MACF1: variants seen among roughly 807,000 people sequenced by gnomAD.
The protein encoded by MACF1 is microtubule-actin cross-linking factor 1.
In MACF1, 193 loss-of-function variants were observed where a neutral mutation model predicts 854.8. The ratio of observed to expected loss-of-function variants is 0.23; its 90% confidence interval spans 0.20 to 0.25. The LOEUF (loss-of-function observed/expected upper bound fraction) is 0.25, where lower values mean the gene tolerates loss of function less well. Among genes scored for constraint, MACF1 ranks in the 10% least tolerant of loss-of-function variants. The pLI, the probability that MACF1 is intolerant of heterozygous loss-of-function variation, is 1.00. For synonymous variants in MACF1, 3,185 were observed against 3,226.7 expected, an observed-to-expected ratio of 0.99 and a Z score of 0.44; for missense variants, 7,722 against 8,929.1, an observed-to-expected ratio of 0.86 and a Z score of 5.45.
At chr1:39,130,365 G>T (rs1308962238) in intron 2 of MACF1, among the ~76,000 whole-genome samples, 1 of 152,198 alleles carries the variant, frequency 6.6e-6, no homozygotes, top group Admixed American at 6.5e-5. Context: ...ATGACCTTTT[G>T]TAGTCACATT....
intron 2 of MACF1, chr1:39,121,100 T>G (rs1642696753): frequency 6.6e-6 from 1 of 152,196 alleles, no homozygotes; most frequent in Non-Finnish European, 1.5e-5. Flanking sequence ...CTAATTTCCC[T>G]AGCACCTAGA....
At position 39,211,958 on chromosome 1, in the gene MACF1, G is replaced by A. The variant is rs934241830; in HGVS notation, c.109+6827G>A. Among the ~76,000 whole-genome samples, 8 of 142,206 alleles carry A rather than the reference G, an allele frequency of 5.6e-5. 1 individual carries two copies. Among genetic ancestry groups the A allele is most frequent in the South Asian group, 4.3e-4 (2 of 4,686 alleles). 93.3% of individuals were successfully genotyped at this position (142,206 alleles called of 152,430 possible). On this transcript the variant is annotated intron_variant, in intron 1 of 100. Transcript: ENST00000564288. ...ATATATTATGATCACTGTTTTATACGTTAAGAAAGATGTTTGTGTCTTTTA... is the reference window on the plus strand; with the variant it reads ...ATATATTATGATCACTGTTTTATACATTAAGAAAGATGTTTGTGTCTTTTA...
chr1:39,109,602 CTT>C (rs76099761), intron 2 of MACF1, among the ~76,000 whole-genome samples: 2 of 146,228 alleles, frequency 1.4e-5, no homozygotes, highest in African/African-American at 2.5e-5. Context: ...CTTTTCTCTC[CTT>C]TTTTTTTTTT....
intron 97 of MACF1, among the ~76,000 whole-genome samples, chr1:39,472,853 A>G (rs1388171725): frequency 6.6e-6 from 1 of 152,232 alleles, no homozygotes; most frequent in Non-Finnish European, 1.5e-5. Context: ...AAAGTAAGCC[A>G]TTATTTTTCA....
intron 34 of MACF1, 69 bp downstream of exon 34, chr1:39,324,414 A>T: frequency 6.4e-7 from 1 of 1,553,116 alleles, no homozygotes; most frequent in South Asian, 1.2e-5. Context: ...GTGGAATAGT[A>T]GAAGTCACAT....
intron 6 of MACF1, among the ~76,000 whole-genome samples, chr1:39,275,915 T>TCTC (rs1553201595): frequency 6.9e-6 from 1 of 144,646 alleles, no homozygotes; most frequent in Non-Finnish European, 1.5e-5. Context: ...TTCATCTGCT[T>TCTC]CTTCTTCTTC....
At chr1:39,120,109 T>A (rs1007801810) in intron 2 of MACF1, among the ~76,000 whole-genome samples, 3 of 151,982 alleles carry the variant, frequency 2.0e-5, no homozygotes, top group African/African-American at 7.2e-5. Flanking sequence ...GTCTTGAACT[T>A]CTGATCTCAG....
Position 39,359,221 on chromosome 1 carries a change from A to G in MACF1, c.12201A>G (p.Glu4067=), listed in dbSNP as rs1647851593. The G allele has an allele frequency of 1.9e-6, 3 of 1,614,190 alleles. No homozygotes were observed. The highest frequency in any genetic ancestry group is 2.5e-6 in the Non-Finnish European group (3 of 1,180,030). The change falls in exon 47 of 101, where the codon GAA becomes GAG. Residue 4067 remains glutamate (E), a synonymous_variant. Coordinates refer to ENST00000564288, the MANE Select transcript of MACF1 (RefSeq NM_001394062.1). ...TAGCTCGTGACATAATGGAAATTGA[A>G]GGGGAGCCAGCCCCAGACCACAGGC... ...QKVARDIMEI[E]GEPAPDHRHV...
intron 6 of MACF1, chr1:39,268,946 C>A: frequency 7.8e-6 from 10 of 1,286,564 alleles, no homozygotes; most frequent in Non-Finnish European, 1.0e-5. Flanking sequence ...TAGAGCATAC[C>A]CCCCCAGATA....
intron 6 of MACF1, among the ~76,000 whole-genome samples, chr1:39,264,629 G>GACT (rs1355260482): frequency 6.7e-6 from 1 of 149,862 alleles, no homozygotes; most frequent in African/African-American, 2.5e-5. Context: ...GAGACCGACT[G>GACT]ACTTTTTTGG....
intron 58 of MACF1, chr1:39,412,138 G>A: frequency 6.2e-7 from 1 of 1,613,970 alleles, no homozygotes; most frequent in Non-Finnish European, 8.5e-7. Flanking sequence ...TTCTGAGCTG[G>A]CCAAAGACAA....
intron 56 of MACF1, among the ~76,000 whole-genome samples, chr1:39,383,986 TGGGAAACATCATTGAACA>T: frequency 6.6e-6 from 1 of 152,332 alleles, no homozygotes; most frequent in Admixed American, 6.5e-5. Context: ...ATGTAGCTTC[TGGGAAACATCATTGAACA>T]TTTGTGACAG....
At chr1:39,430,648 G>A in intron 65 of MACF1, 54 bp from the exon 66 acceptor site, 1 of 1,410,928 alleles carries the variant, frequency 7.1e-7, no homozygotes, top group African/African-American at 1.4e-5. Flanking sequence ...CAGCACAGTT[G>A]CTGATGTGCT....
rs760956238 is a variant in MACF1 at position 39,435,620 on chromosome 1, A to G, written c.17847A>G (p.Pro5949=). The G allele has an allele frequency of 6.2e-7, 1 of 1,614,212 alleles. No homozygotes were observed. The highest frequency in any genetic ancestry group is 1.7e-5 in the Admixed American group (1 of 60,022). Reference sequence around the variant, plus strand: ...TTGACAAACTACTAAAGATAGGCCCACAACTAAAGGAATTAAACCCTGAGG... The same window carrying G: ...TTGACAAACTACTAAAGATAGGCCCGCAACTAAAGGAATTAAACCCTGAGG... ...PHIDKLLKIG[P]QLKELNPEEG... is the part of the protein sequence containing the mutation. The change falls in exon 70 of 101, where the codon CCA becomes CCG. Residue 5949 remains proline (P), a synonymous_variant. Coordinates refer to ENST00000564288, the MANE Select transcript of MACF1 (RefSeq NM_001394062.1).
intron 58 of MACF1, among the ~76,000 whole-genome samples, chr1:39,393,196 A>AAAAAAAT (rs57576149): frequency 4.5e-5 from 3 of 66,576 alleles, no homozygotes; most frequent in African/African-American, 2.5e-4. Context: ...AAAAAAAAAA[A>AAAAAAAT]ATATATATAT....
chr1:39,256,561 G>A (rs187800347), intron 5 of MACF1, among the ~76,000 whole-genome samples: 17 of 152,220 alleles, frequency 1.1e-4, no homozygotes, highest in Non-Finnish European at 1.9e-4. Context: ...ACACTGTGTC[G>A]CAGGACTCTG....
At chr1:39,101,951 C>T (rs1018812311) in intron 2 of MACF1, among the ~76,000 whole-genome samples, 8 of 149,932 alleles carry the variant, frequency 5.3e-5, no homozygotes, top group African/African-American at 1.5e-4. Context: ...CCGATGCGGG[C>T]GGATCACGAG....
chr1:39,212,031 A>G (rs1284242114), intron 1 of MACF1, among the ~76,000 whole-genome samples: 1 of 151,848 alleles, frequency 6.6e-6, no homozygotes, highest in Non-Finnish European at 1.5e-5. Context: ...GACATTAAGT[A>G]TATACCTTCA....
intron 58 of MACF1, among the ~76,000 whole-genome samples, chr1:39,392,459 G>T (rs1342766493): frequency 6.6e-6 from 1 of 152,058 alleles, no homozygotes; most frequent in African/African-American, 2.4e-5. Flanking sequence ...TTTTAATAAG[G>T]TAAAAACAAA....
Sources: gnomAD v4.1 joint callset for allele counts (sites outside exome capture counted in the v4.1 genomes callset) on GRCh38, gnomAD v4.1.1 for gene constraint, MANE v1.5 for transcripts, NCBI Gene and HGNC (gene_info 2026-07-23, HGNC 2026-07-21) for gene names.